RHBDL2: variants seen among roughly 807,000 people sequenced by gnomAD.
The protein encoded by RHBDL2 is rhomboid like 2.
A neutral mutation model predicts 31.7 loss-of-function variants in RHBDL2; 26 were observed. The ratio of observed to expected loss-of-function variants is 0.82; its 90% CI spans 0.60 to 1.14. The LOEUF (loss-of-function observed/expected upper bound fraction) is 1.14. Among genes scored for constraint, RHBDL2 ranks in the 50% most tolerant of loss-of-function variants. RHBDL2 has a pLI of 0.00. For missense variants in RHBDL2, 336 were observed against 364.4 expected (o/e 0.92, Z 0.63); for synonymous variants, 123 against 127.2 (o/e 0.97, Z 0.22).
At chr1:38,891,229 C>A (rs1442041340) in intron 6 of RHBDL2, among the ~76,000 whole-genome samples, 22 of 141,996 alleles carry the variant, frequency 1.5e-4, no homozygotes, top group Non-Finnish European at 1.5e-5. Flanking sequence ...CCACTACACT[C>A]CAGCCTGGGC....
chr1:38,917,289 T>C (rs1253673494), intron 2 of RHBDL2, among the ~76,000 whole-genome samples: 1 of 152,106 alleles, frequency 6.6e-6, no homozygotes, highest in Admixed American at 6.5e-5. Context: ...AGTGCTGGGA[T>C]TACAGGCGTG....
intron 4 of RHBDL2, among the ~76,000 whole-genome samples, chr1:38,896,382 A>G (rs1460879831): frequency 6.6e-6 from 1 of 152,212 alleles, no homozygotes; most frequent in African/African-American, 2.4e-5. Flanking sequence ...CCCTACCTGC[A>G]AAATGGGGCT....
Position 38,888,027 on chromosome 1 carries a change from A to G in RHBDL2, c.671-3T>C, listed in dbSNP as rs1247814464. On this transcript the variant is annotated splice_region_variant and splice_polypyrimidine_tract_variant and intron_variant, in intron 6 of 7. Transcript: ENST00000372990. Reference sequence around the variant, plus strand: ...AGCAAATCCCATGTCCAACACAACTAGAAGGAAAAACACCCTGATAAAGGC... The same window carrying G: ...AGCAAATCCCATGTCCAACACAACTGGAAGGAAAAACACCCTGATAAAGGC... 5 of 1,610,416 alleles carry G rather than the reference A, an allele frequency of 3.1e-6. No homozygotes were observed. The highest frequency in any genetic ancestry group is 2.2e-5 in the East Asian group (1 of 44,832).
At chr1:38,917,335 T>C (rs1184497969) in intron 2 of RHBDL2, among the ~76,000 whole-genome samples, 1 of 152,186 alleles carries the variant, frequency 6.6e-6, no homozygotes, top group Non-Finnish European at 1.5e-5. Flanking sequence ...CTTTCTGTTC[T>C]ATCTTTACAA....
intron 1 of RHBDL2, among the ~76,000 whole-genome samples, chr1:38,938,791 C>A (rs1272929115): frequency 6.6e-6 from 1 of 152,174 alleles, no homozygotes. Context: ...CCATCAGCAA[C>A]CTCTGTTTGC....
At chr1:38,904,268 A>C (rs900209724) in intron 4 of RHBDL2, among the ~76,000 whole-genome samples, 3 of 152,010 alleles carry the variant, frequency 2.0e-5, no homozygotes, top group African/African-American at 7.2e-5. Flanking sequence ...CAGGAGTTTG[A>C]GACCAGTCTG....
chr1:38,916,197 C>T (rs1413970382), intron 2 of RHBDL2, among the ~76,000 whole-genome samples: 2 of 152,306 alleles, frequency 1.3e-5, no homozygotes, highest in East Asian at 3.9e-4. Flanking sequence ...CCCAGTGATG[C>T]CACATGATGT....
chr1:38,916,350 T>G (rs1448710801), intron 2 of RHBDL2, among the ~76,000 whole-genome samples: 1 of 151,914 alleles, frequency 6.6e-6, no homozygotes, highest in Non-Finnish European at 1.5e-5. Context: ...CCCTAGCCAG[T>G]CCCCCTCAAG....
chr1:38,902,606 G>A (rs941255216), intron 4 of RHBDL2, among the ~76,000 whole-genome samples: 15 of 151,804 alleles, frequency 9.9e-5, no homozygotes, highest in Admixed American at 9.2e-4. Flanking sequence ...ATTTTTAATA[G>A]AGACGGGGTT....
At chr1:38,913,968 T>G (rs1184283271) in intron 3 of RHBDL2, among the ~76,000 whole-genome samples, 1 of 151,734 alleles carries the variant, frequency 6.6e-6, no homozygotes, top group Non-Finnish European at 1.5e-5. Flanking sequence ...AATACAAAAA[T>G]TAGCTGGGCG....
chr1:38,920,166 C>CTTT (rs71057165), intron 1 of RHBDL2, among the ~76,000 whole-genome samples: 10,219 of 111,354 alleles, frequency 0.092, 1,221 homozygotes, highest in African/African-American at 0.2. Context: ...CACATGTTTT[C>CTTT]TTTTTTTTTT....
chr1:38,915,111 G>A (rs1373202380), intron 3 of RHBDL2, among the ~76,000 whole-genome samples: 1 of 151,168 alleles, frequency 6.6e-6, no homozygotes, highest in African/African-American at 2.4e-5. Flanking sequence ...ACTTAGCTGT[G>A]TGACTTGGAA....
rs1221345209 is a variant in RHBDL2, at chr1:38,919,092, T to C, written c.121A>G (p.Lys41Glu). 1.2e-6 allele frequency: 2 copies of C among 1,614,180 alleles called. No homozygotes were observed. The highest frequency in any genetic ancestry group is 1.7e-5 in the Admixed American group (1 of 60,002). The change falls in exon 2 of 8, where the codon AAG becomes GAG. Residue 41 changes from lysine (K) to glutamate (E), a missense_variant. Lys to Glu is a moderately conservative substitution (Grantham distance 56, BLOSUM62 1). Transcript: ENST00000372990. ...REDGGGKDRA[K>E]SKKVHRIVSK... is the part of the protein sequence containing the mutation. The stretch of plus-strand genomic sequence containing the variant: ...ACAATCCTGTGGACCTTTTTACTCT[T>C]GGCCCGATCTTTACCTCCCCCATCC...
At chr1:38,923,074 G>A (rs891249994) in intron 1 of RHBDL2, among the ~76,000 whole-genome samples, 21 of 151,590 alleles carry the variant, frequency 1.4e-4, no homozygotes, top group Non-Finnish European at 2.9e-4. Context: ...TGGGCGACAA[G>A]AGTGAAACTC....
chr1:38,929,307 T>TACG, intron 1 of RHBDL2: 1 of 940,600 alleles, frequency 1.1e-6, no homozygotes. Context: ...TCCCCACTGC[T>TACG]ACGACGAGGA....
chr1:38,923,826 G>A (rs1313281172), intron 1 of RHBDL2, among the ~76,000 whole-genome samples: 2 of 152,076 alleles, frequency 1.3e-5, no homozygotes, highest in South Asian at 2.1e-4. Flanking sequence ...CCTCTTATCT[G>A]CAGCAAGTTG....
chr1:38,924,462 C>T (rs1324063849), intron 1 of RHBDL2, among the ~76,000 whole-genome samples: 7 of 151,924 alleles, frequency 4.6e-5, no homozygotes, highest in African/African-American at 1.5e-4. Context: ...GGCGTGGTGG[C>T]GGGCGCCTGT....
chr1:38,930,950 G>T (rs1433580763), intron 1 of RHBDL2, among the ~76,000 whole-genome samples: 1 of 152,182 alleles, frequency 6.6e-6, no homozygotes, highest in Non-Finnish European at 1.5e-5. Flanking sequence ...GGCAAGCCAA[G>T]GGTGTTGGTC....
chr1:38,891,738 C>T lies in RHBDL2; in HGVS notation c.670+1426G>A, dbSNP rs574008366. ...AAATGGTCAATAAACTAAAGAGTCC[C>T]TTCCCACAGACATAGTTGCCTCTGT... On this transcript the variant is annotated intron_variant, in intron 6 of 7. Coordinates refer to ENST00000372990, the MANE Select transcript of RHBDL2 (RefSeq NM_017821.5). Among the ~76,000 whole-genome samples the T allele has an allele frequency of 3.9e-5, 6 of 152,368 alleles. No homozygotes were observed. The South Asian group carries it at 1.2e-3, about 32-fold the overall frequency.
Sources: gnomAD v4.1 joint callset for allele counts (sites outside exome capture counted in the v4.1 genomes callset) on GRCh38, gnomAD v4.1.1 for gene constraint, MANE v1.5 for transcripts, NCBI Gene and HGNC (gene_info 2026-07-23, HGNC 2026-07-21) for gene names.